The following ANO6 variants were observed in gnomAD, a reference collection of about 807,000 sequenced individuals.
ANO6 encodes anoctamin 6.
Under a neutral mutation model 117.5 loss-of-function variants are expected in ANO6, and 106 were observed. The ratio of observed to expected loss-of-function variants is 0.90; its 90% CI spans 0.77 to 1.06. ANO6 has a LOEUF of 1.06. ANO6 is among the 50% of genes least tolerant of loss of function. The probability of loss-of-function intolerance (pLI) is 0.00; values close to 1 mark genes in which losing one functional copy is unlikely to be tolerated. For synonymous variants in ANO6, 367 were observed against 385.1 expected (o/e 0.95, Z 0.55); for missense variants, 955 against 1,121.1 (o/e 0.85, Z 2.12).
intron 2 of ANO6, among the ~76,000 whole-genome samples, chr12:45,330,088 G>A (rs1322185764): frequency 6.6e-6 from 1 of 152,080 alleles, no homozygotes; most frequent in Non-Finnish European, 1.5e-5. Flanking sequence ...CTGGTTAAAT[G>A]CACTGGATGA....
chr12:45,308,492 C>T (rs891396268), intron 2 of ANO6, among the ~76,000 whole-genome samples: 1 of 152,000 alleles, frequency 6.6e-6, no homozygotes, highest in Non-Finnish European at 1.5e-5. Flanking sequence ...GGGTGAGACA[C>T]TCATCTGGAA....
At chr12:45,240,303 T>G (rs536174455) in intron 1 of ANO6, among the ~76,000 whole-genome samples, 1 of 151,838 alleles carries the variant, frequency 6.6e-6, no homozygotes, top group Admixed American at 6.6e-5. Flanking sequence ...CTTTTGATCT[T>G]TGTTCGTTTA....
chr12:45,380,506 G>T (rs1181116067), intron 10 of ANO6, among the ~76,000 whole-genome samples: 1 of 152,204 alleles, frequency 6.6e-6, no homozygotes, highest in Non-Finnish European at 1.5e-5. Flanking sequence ...TCAGACCTGT[G>T]CTGCTTCTGC....
At chr12:45,371,131 C>T (rs1240629979) in intron 9 of ANO6, among the ~76,000 whole-genome samples, 1 of 152,176 alleles carries the variant, frequency 6.6e-6, no homozygotes, top group African/African-American at 2.4e-5. Context: ...TCACTCCCAC[C>T]CGAATACTGC....
At chr12:45,373,179 G>C (rs950072568) in intron 9 of ANO6, among the ~76,000 whole-genome samples, 11 of 152,132 alleles carry the variant, frequency 7.2e-5, no homozygotes, top group Non-Finnish European at 5.9e-5. Flanking sequence ...AAATATATAT[G>C]CACCCAGTAC....
At chr12:45,262,865 T>C (rs1938087069) in intron 1 of ANO6, among the ~76,000 whole-genome samples, 1 of 152,258 alleles carries the variant, frequency 6.6e-6, no homozygotes, top group South Asian at 2.1e-4. Flanking sequence ...TAGTTTGTGC[T>C]TATTATAAAC....
At chr12:45,384,094 C>G (rs1397683886) in intron 10 of ANO6, among the ~76,000 whole-genome samples, 1 of 152,248 alleles carries the variant, frequency 6.6e-6, no homozygotes, top group Non-Finnish European at 1.5e-5. Context: ...CTTCACCTTG[C>G]ACTTCTATGC....
chr12:45,275,231 G>A (rs1248110086), intron 1 of ANO6, among the ~76,000 whole-genome samples: 1 of 151,804 alleles, frequency 6.6e-6, no homozygotes, highest in Non-Finnish European at 1.5e-5. Context: ...TATTTTTTGA[G>A]ATGGAATCTT....
chr12:45,416,328 T>TAA (rs11424180), intron 16 of ANO6, among the ~76,000 whole-genome samples: 14,522 of 150,222 alleles, frequency 0.097, 941 homozygotes, highest in East Asian at 0.36. Flanking sequence ...TCTTTTTTCT[T>TAA]AAAAAAAAAA....
rs377622706 is a variant in ANO6 at position 45,357,238 on chromosome 12, G to A, written c.864-52G>A. On this transcript the variant is annotated intron_variant, in intron 7 of 19. Transcript: ENST00000320560. The stretch of plus-strand genomic sequence containing the variant: ...AATCAGAAATTAATATTAGGATGAA[G>A]CTACGGAGTAATTATTTGCATCTTC... The A allele has an allele frequency of 2.1e-5, 34 of 1,583,368 alleles. No individual in the cohort carries two copies. In the East Asian group the frequency reaches 3.8e-4, roughly 18 times the overall value.
Position 45,302,106 on chromosome 12 carries a change from C to G in ANO6, c.150+13C>G. 1.2e-6 allele frequency: 2 copies of G among 1,610,706 alleles called. No homozygotes were observed. The highest frequency in any genetic ancestry group is 1.7e-6 in the Non-Finnish European group (2 of 1,177,024). On this transcript the variant is annotated intron_variant, in intron 2 of 19. Transcript: ENST00000320560. ...AACCCCGGAGTTTGTGAGTACTATT[C>G]CTTTATCTTAAATTTGTATTCTTAA...
chr12:45,263,258 C>CTGGA (rs71437714), intron 1 of ANO6, among the ~76,000 whole-genome samples: 7,517 of 151,820 alleles, frequency 0.05, 445 homozygotes, highest in East Asian at 0.32. Context: ...GTCACCCAGG[C>CTGGA]TGGAGTACAG....
chr12:45,280,699 TCTCA>T (rs990177476), intron 1 of ANO6, among the ~76,000 whole-genome samples: 3 of 152,092 alleles, frequency 2.0e-5, no homozygotes, highest in African/African-American at 7.2e-5. Context: ...TGTTTCAAAC[TCTCA>T]CTGTCTTCCT....
intron 8 of ANO6, among the ~76,000 whole-genome samples, chr12:45,363,981 A>G (rs1197590489): frequency 2.6e-5 from 4 of 152,232 alleles, no homozygotes; most frequent in Non-Finnish European, 4.4e-5. Flanking sequence ...CTAATATAGC[A>G]GGTCTCTGCC....
At chr12:45,322,760 A>G (rs1335913550) in intron 2 of ANO6, among the ~76,000 whole-genome samples, 6 of 152,160 alleles carry the variant, frequency 3.9e-5, no homozygotes, top group Non-Finnish European at 8.8e-5. Context: ...AAGATGAAAA[A>G]GTCAAAGGTC....
At chr12:45,428,169 G>T (rs1202191340) in intron 19 of ANO6, among the ~76,000 whole-genome samples, 1 of 152,176 alleles carries the variant, frequency 6.6e-6, no homozygotes, top group Non-Finnish European at 1.5e-5. Context: ...GTTCACAACA[G>T]CATTTTTCCT....
intron 1 of ANO6, among the ~76,000 whole-genome samples, chr12:45,247,893 G>A (rs1474387994): frequency 6.6e-6 from 1 of 152,120 alleles, no homozygotes; most frequent in African/African-American, 2.4e-5. Context: ...CATTTGGAAG[G>A]ACACAGTTCA....
At chr12:45,247,312 G>A (rs896582716) in intron 1 of ANO6, among the ~76,000 whole-genome samples, 1 of 152,170 alleles carries the variant, frequency 6.6e-6, no homozygotes, top group Non-Finnish European at 1.5e-5. Flanking sequence ...GGTGCATAAA[G>A]ACAGCAACAT....
intron 1 of ANO6, among the ~76,000 whole-genome samples, chr12:45,265,676 C>G (rs925962868): frequency 6.6e-6 from 1 of 152,200 alleles, no homozygotes; most frequent in Non-Finnish European, 1.5e-5. Flanking sequence ...CCAGTCCATT[C>G]TGCACATCAC....
Sources: allele counts gnomAD v4.1 joint callset (sites outside exome capture counted in the v4.1 genomes callset), GRCh38; gene constraint gnomAD v4.1.1; transcripts MANE v1.5; gene names NCBI Gene and HGNC (gene_info 2026-07-23, HGNC 2026-07-21).